The following MMP26 variants were observed in gnomAD, a reference collection of about 807,000 sequenced individuals.
The protein encoded by MMP26 is matrix metalloproteinase-26.
In MMP26, 33 loss-of-function variants were observed where a neutral mutation model predicts 31.0. The ratio of observed to expected loss-of-function variants is 1.06; its 90% CI spans 0.81 to 1.42. The LOEUF is 1.42. Among genes scored for constraint, MMP26 ranks in the 40% most tolerant of loss-of-function variants. MMP26 has a pLI of 0.00. For synonymous variants in MMP26, 122 were observed against 114.9 expected (o/e 1.06, Z -0.40); for missense variants, 347 against 316.1 (o/e 1.10, Z -0.74).
At chr11:4,710,556 C>T in intron 1 of MMP26, 1 of 383,506 alleles carries the variant, frequency 2.6e-6, no homozygotes, top group Non-Finnish European at 5.3e-6. Flanking sequence ...CTTCCCTGAC[C>T]CATGTTTGAT....
intron 2 of MMP26, among the ~76,000 whole-genome samples, chr11:4,857,878 C>T (rs569457373): frequency 5.3e-5 from 8 of 152,242 alleles, no homozygotes; most frequent in South Asian, 2.1e-4. Flanking sequence ...TTATCCGCCA[C>T]GATCATGTTG....
At chr11:4,820,852 A>G (rs1849486436) in intron 2 of MMP26, among the ~76,000 whole-genome samples, 1 of 152,198 alleles carries the variant, frequency 6.6e-6, no homozygotes, top group African/African-American at 2.4e-5. Context: ...TCAACAACAC[A>G]GGGAACTCCC....
intron 1 of MMP26, among the ~76,000 whole-genome samples, chr11:4,763,029 T>G (rs7129350): frequency 0.22 from 32,961 of 152,074 alleles, 5,080 homozygotes; most frequent in African/African-American, 0.44. Flanking sequence ...AGAAAATAAT[T>G]AAGCCTATAT....
chr11:4,733,227 T>C (rs1310303701), intron 1 of MMP26, among the ~76,000 whole-genome samples: 3 of 152,368 alleles, frequency 2.0e-5, no homozygotes, highest in East Asian at 3.9e-4. Flanking sequence ...ACATTACATT[T>C]GTAGACCAAC....
rs190805088 is a variant in MMP26 at position 4,843,958 on chromosome 11, C to A, written c.-145+76617C>A. Among the ~76,000 whole-genome samples, 498 of 151,968 alleles carry A rather than the reference C, an allele frequency of 3.3e-3. 4 individuals are homozygous for A. Among genetic ancestry groups the A allele is most frequent in the African/African-American group, 0.011 (464 of 41,448 alleles). Reference sequence around the variant, plus strand: ...ATAAATAAAATTGAAACAAAGAAAACAACACAAATGATCAATAAAACAAAA... The same window carrying A: ...ATAAATAAAATTGAAACAAAGAAAAAAACACAAATGATCAATAAAACAAAA... On this transcript the variant is annotated intron_variant, in intron 2 of 7. Coordinates refer to ENST00000380390, the MANE Select transcript of MMP26 (RefSeq NM_021801.5).
intron 2 of MMP26, among the ~76,000 whole-genome samples, chr11:4,851,392 G>A (rs1021859850): frequency 1.3e-5 from 2 of 152,122 alleles, no homozygotes; most frequent in African/African-American, 4.8e-5. Flanking sequence ...GGGGTAATGT[G>A]TCCACCAGCA....
chr11:4,783,532 T>G (rs2133435058), intron 2 of MMP26, among the ~76,000 whole-genome samples: 1 of 152,294 alleles, frequency 6.6e-6, no homozygotes, highest in South Asian at 2.1e-4. Flanking sequence ...GACTGTGGAC[T>G]TTTGAGTTGA....
chr11:4,862,313 A>G (rs1371666241), intron 2 of MMP26, among the ~76,000 whole-genome samples: 2 of 152,188 alleles, frequency 1.3e-5, no homozygotes, highest in Non-Finnish European at 2.9e-5. Flanking sequence ...GTAAAGGACT[A>G]TTTTATGGTT....
At chr11:4,772,544 T>C (rs905894436) in intron 2 of MMP26, among the ~76,000 whole-genome samples, 1 of 152,214 alleles carries the variant, frequency 6.6e-6, no homozygotes, top group Non-Finnish European at 1.5e-5. Flanking sequence ...CCTGATATAT[T>C]AATTTGGCCC....
chr11:4,801,587 T>C (rs1034829064), intron 2 of MMP26, among the ~76,000 whole-genome samples: 4 of 151,834 alleles, frequency 2.6e-5, no homozygotes, highest in African/African-American at 7.3e-5. Context: ...TTGTTGCCCA[T>C]GCTGGAGTCC....
chr11:4,980,803 C>T (rs1472336705), intron 2 of MMP26, among the ~76,000 whole-genome samples: 1 of 151,806 alleles, frequency 6.6e-6, no homozygotes, highest in African/African-American at 2.4e-5. Flanking sequence ...CATTAATATC[C>T]TCATTTTCCT....
chr11:4,961,072 T>TGTGATGA (rs1358123135), intron 2 of MMP26, among the ~76,000 whole-genome samples: 1 of 152,206 alleles, frequency 6.6e-6, no homozygotes, highest in Non-Finnish European at 1.5e-5. Context: ...AGTCAAATAG[T>TGTGATGA]GTGATGAGTC....
At chr11:4,709,755 C>T (rs4619142) in intron 1 of MMP26, 448,823 of 460,408 alleles carry the variant, frequency 0.97, 219,234 homozygotes, top group Non-Finnish European at 0.98. Context: ...ACCCATGTAT[C>T]ATTTTCTCTC....
Position 4,949,307 on chromosome 11 carries a change from G to A in MMP26, c.-144-38761G>A, listed in dbSNP as rs1351964554. Among the ~76,000 whole-genome samples, 4 of 122,806 alleles carry A rather than the reference G, an allele frequency of 3.3e-5. No individual in the cohort carries two copies. The East Asian group carries it at 9.1e-4, about 28-fold the overall frequency. 80.6% of individuals were successfully genotyped at this position (122,806 alleles called of 152,430 possible). A position where few individuals can be genotyped will look rare whatever the true frequency, so the allele number is the denominator to read the frequency against. On this transcript the variant is annotated intron_variant, in intron 2 of 7. Transcript: ENST00000380390. ...TCAAGGATTTTTACATTGTAATCTA[G>A]TATTAATTTTCAACTTAATTTACAT...
At chr11:4,900,358 T>C (rs184384474) in intron 2 of MMP26, among the ~76,000 whole-genome samples, 31 of 152,326 alleles carry the variant, frequency 2.0e-4, no homozygotes, top group African/African-American at 7.2e-4. Flanking sequence ...CTGCCTTTTG[T>C]GGGGTAGAAT....
At chr11:4,936,366 G>A (rs912093862) in intron 2 of MMP26, among the ~76,000 whole-genome samples, 1 of 152,022 alleles carries the variant, frequency 6.6e-6, no homozygotes, top group Non-Finnish European at 1.5e-5. Context: ...TATTTGCGTA[G>A]AGGTGTTTGT....
At chr11:4,799,668 A>C (rs142930337) in intron 2 of MMP26, among the ~76,000 whole-genome samples, 1 of 152,300 alleles carries the variant, frequency 6.6e-6, no homozygotes, top group Non-Finnish European at 1.5e-5. Context: ...ACAAGTCCAA[A>C]GTCCTAAGTC....
rs1336273283 is a variant in MMP26, at chr11:4,989,844, G to A, written c.296G>A (p.Trp99Ter). 6.2e-7 allele frequency: 1 copy of A among 1,610,284 alleles called. No homozygotes were observed. The highest frequency in any genetic ancestry group is 8.5e-7 in the Non-Finnish European group (1 of 1,179,958). Residue 99 changes from tryptophan to a stop codon, truncating the protein, a stop_gained, in exon 4 of 8, where the codon TGG becomes TAG. Coordinates refer to ENST00000380390, the MANE Select transcript of MMP26 (RefSeq NM_021801.5). LOFTEE classifies it high-confidence loss of function. The part of the protein sequence containing the change: ...DTSISPGRCK[W>*]NKHTLTYRII... ...TCCATCTCGCCAGGAAGATGCAAGT[G>A]GAATAAGCACACTCTAACTTACAGG...
At chr11:4,924,189 T>A (rs779307243) in intron 2 of MMP26, 1 of 1,614,082 alleles carries the variant, frequency 6.2e-7, no homozygotes, top group Non-Finnish European at 8.5e-7. Context: ...TCAGTACAAA[T>A]GACGTGGAGA....
Sources: allele counts gnomAD v4.1 joint callset (sites outside exome capture counted in the v4.1 genomes callset), GRCh38; gene constraint gnomAD v4.1.1; transcripts MANE v1.5; gene names NCBI Gene and HGNC (gene_info 2026-07-23, HGNC 2026-07-21).